Variants in ZNF503 observed in about 807,000 individuals in gnomAD.
ZNF503 encodes NocA-like zinc finger 2.
Under a neutral mutation model 34.4 loss-of-function variants are expected in ZNF503, and 15 were observed. That is an observed-to-expected ratio of 0.44 (90% CI 0.29 to 0.67). ZNF503 has a LOEUF of 0.67. ZNF503 is among the 30% of genes least tolerant of loss of function. The pLI is 0.13. For missense variants in ZNF503, 1,007 were observed against 926.8 expected, an observed-to-expected ratio of 1.09 and a Z score of -1.12; for synonymous variants, 580 against 456.8, an observed-to-expected ratio of 1.27 and a Z score of -3.44.
chr10:75,322,223 A>G, the ZNF503 span, among the ~76,000 whole-genome samples: 8 of 150,466 alleles, frequency 5.3e-5, no homozygotes, highest in Non-Finnish European at 8.8e-5. Flanking sequence ...TCCTGGGTTC[A>G]AGTGATTCCC....
the ZNF503 span, among the ~76,000 whole-genome samples, chr10:75,347,786 C>T: frequency 2.0e-5 from 3 of 152,194 alleles, no homozygotes; most frequent in African/African-American, 7.2e-5. Flanking sequence ...AAAAGTCCTC[C>T]CAAATAATGA....
At chr10:75,342,989 G>C in the ZNF503 span, among the ~76,000 whole-genome samples, 1 of 152,158 alleles carries the variant, frequency 6.6e-6, no homozygotes, top group Non-Finnish European at 1.5e-5. Flanking sequence ...CTAATCTGAG[G>C]GGTCAGGGGA....
Position 75,398,827 on chromosome 10 carries a change from G to A in ZNF503, c.1863C>T (p.Ala621=), listed in dbSNP as rs1273837090. ...PTPGAPVPVP[A]ATGPYYSPYA... is the part of the protein sequence containing the mutation. ...AGGGGGAGTAGTACGGTCCGGTGGC[G>A]GCGGGCACCGGCACGGGGGCGCCAG... The change falls in exon 2 of 2, where the codon GCC becomes GCT. Residue 621 remains alanine, a synonymous_variant. Transcript: ENST00000372524. 2.0e-6 allele frequency: 3 copies of A among 1,498,590 alleles called. No individual in the cohort carries two copies. Among genetic ancestry groups the A allele is most frequent in the Admixed American group, 2.4e-5 (1 of 42,056 alleles). The allele number at this position is 1,498,590 out of a possible 1,614,324, so 92.8% of individuals were successfully genotyped here. A position where few individuals can be genotyped will look rare whatever the true frequency, so the allele number is the denominator to read the frequency against.
chr10:75,308,535 A>T, the ZNF503 span, among the ~76,000 whole-genome samples: 1 of 152,200 alleles, frequency 6.6e-6, no homozygotes, highest in South Asian at 2.1e-4. Flanking sequence ...TTTCTGATGG[A>T]TCTGGGCAAA....
chr10:75,357,852 G>A, the ZNF503 span, among the ~76,000 whole-genome samples: 6 of 152,266 alleles, frequency 3.9e-5, no homozygotes, highest in South Asian at 4.1e-4. Context: ...CAGGCGAGGC[G>A]CACAGGCTCT....
chr10:75,324,081 A>G, the ZNF503 span, among the ~76,000 whole-genome samples: 1 of 151,308 alleles, frequency 6.6e-6, no homozygotes, highest in South Asian at 2.1e-4. Context: ...TTTGTCAGAA[A>G]TATGATTTGC....
chr10:75,395,918 G>A (rs1324222312), downstream of ZNF503, among the ~76,000 whole-genome samples: 3 of 152,230 alleles, frequency 2.0e-5, no homozygotes, highest in Admixed American at 6.5e-5. This position sits in a 1 kb window ranked among gnomAD's most constrained non-coding sequence, Gnocchi z 4.4. Flanking sequence ...ATCCCAGGGC[G>A]GGGGAATGTC....
the ZNF503 span, among the ~76,000 whole-genome samples, chr10:75,337,076 C>A: frequency 1.3e-5 from 2 of 152,178 alleles, no homozygotes; most frequent in Admixed American, 1.3e-4. Context: ...GTAATCCCAG[C>A]ACTTTGGGAG....
chr10:75,334,059 C>A, the ZNF503 span, among the ~76,000 whole-genome samples: 3 of 135,164 alleles, frequency 2.2e-5, no homozygotes, highest in South Asian at 5.3e-4. Flanking sequence ...CCAGACTGGG[C>A]AGCCAGGCAG....
the ZNF503 span, among the ~76,000 whole-genome samples, chr10:75,355,226 C>A: frequency 6.6e-6 from 1 of 152,216 alleles, no homozygotes; most frequent in African/African-American, 2.4e-5. Context: ...AACCTTGAGA[C>A]AAGGAGAGTT....
the ZNF503 span, among the ~76,000 whole-genome samples, chr10:75,367,840 C>T: frequency 2.6e-5 from 4 of 152,146 alleles, no homozygotes; most frequent in Admixed American, 6.5e-5. Context: ...CTACAGGGTT[C>T]GGGGACTGCC....
the ZNF503 span, among the ~76,000 whole-genome samples, chr10:75,324,204 A>T: frequency 6.6e-6 from 1 of 151,968 alleles, no homozygotes; most frequent in African/African-American, 2.4e-5. Context: ...TCTTTTATGG[A>T]TAATGCTTTT....
chr10:75,303,910 T>G, the ZNF503 span, among the ~76,000 whole-genome samples: 1 of 149,978 alleles, frequency 6.7e-6, no homozygotes, highest in South Asian at 2.1e-4. Flanking sequence ...CTCAGTTCAC[T>G]GCAGCCTCTG....
chr10:75,298,429 C>A, the ZNF503 span, among the ~76,000 whole-genome samples: 1 of 152,210 alleles, frequency 6.6e-6, no homozygotes, highest in Non-Finnish European at 1.5e-5. Context: ...AGACATTCCA[C>A]ATGAATAGAG....
chr10:75,401,551 C>T lies in ZNF503; in HGVS notation c.-132G>A. On this transcript the variant is annotated 5_prime_UTR_variant, in exon 1 of 2. Transcript: ENST00000372524. ...GAGCTGGCGCGGCGGCCACGGGCGC[C>T]CAGCGCGCCTTCTCGGCGCCTGGAG... The T allele has an allele frequency of 8.8e-7, 1 of 1,139,826 alleles. No homozygotes were observed. Among genetic ancestry groups the T allele is most frequent in the Non-Finnish European group, 1.2e-6 (1 of 817,276 alleles). The allele number at this position is 1,139,826 out of a possible 1,614,324, so 70.6% of individuals were successfully genotyped here. A position where few individuals can be genotyped will look rare whatever the true frequency, so the allele number is the denominator to read the frequency against.
the ZNF503 span, among the ~76,000 whole-genome samples, chr10:75,309,737 G>A: frequency 6.6e-6 from 1 of 152,058 alleles, no homozygotes; most frequent in Non-Finnish European, 1.5e-5. Flanking sequence ...AACTGAACTC[G>A]CATTATCTCT....
At position 75,398,014 on chromosome 10, in the gene ZNF503, TTTTTTC is replaced by T. The variant is rs1330666511; in HGVS notation, c.*729_*734del. 32 of 150,634 alleles carry T rather than the reference TTTTTTC, an allele frequency of 2.1e-4. No homozygotes were observed. The South Asian group carries it at 6.4e-3, about 30-fold the overall frequency. The allele number at this position is 150,634 out of a possible 1,614,324, so 9.3% of individuals were successfully genotyped here. A position where few individuals can be genotyped will look rare whatever the true frequency, so the allele number is the denominator to read the frequency against. On this transcript the variant is annotated 3_prime_UTR_variant, in exon 2 of 2. Transcript: ENST00000372524. ...AGGCAAATGAGGTTTTGGAATAGAA[TTTTTTC>T]TTTTTCTTTTTTTTTTTGTTGTTTT...
At chr10:75,357,245 C>T in the ZNF503 span, among the ~76,000 whole-genome samples, 1 of 151,742 alleles carries the variant, frequency 6.6e-6, no homozygotes, top group African/African-American at 2.4e-5. Flanking sequence ...GGGCCGGGCA[C>T]AGTAGCTTAC....
chr10:75,377,783 C>T, the ZNF503 span, among the ~76,000 whole-genome samples: 3 of 152,188 alleles, frequency 2.0e-5, no homozygotes, highest in African/African-American at 7.2e-5. Context: ...GGTCCCAGAA[C>T]ACTGTGTTAG....
Sources: allele counts gnomAD v4.1 joint callset (sites outside exome capture counted in the v4.1 genomes callset), GRCh38; gene constraint gnomAD v4.1.1; non-coding constraint Gnocchi (gnomAD v3.1); transcripts MANE v1.5; gene names NCBI Gene and HGNC (gene_info 2026-07-23, HGNC 2026-07-21).